The following PSMA1 variants were observed in gnomAD, a reference collection of about 807,000 sequenced individuals.
The protein encoded by PSMA1 is proteasome 20S subunit alpha 1.
PSMA1 carries 3 observed loss-of-function variants against 38.4 expected under a neutral mutation model. The ratio of observed to expected loss-of-function variants is 0.08; its 90% CI spans 0.04 to 0.20. PSMA1 has a LOEUF of 0.20. PSMA1 is among the 10% of genes least tolerant of loss of function. The pLI is 1.00. For synonymous variants in PSMA1, 101 were observed against 107.1 expected (o/e 0.94, Z 0.35); for missense variants, 227 against 325.3 (o/e 0.70, Z 2.32).
At chr11:14,602,854 A>G (rs1049293735) in intron 2 of PSMA1, among the ~76,000 whole-genome samples, 13 of 152,196 alleles carry the variant, frequency 8.5e-5, no homozygotes, top group Admixed American at 7.9e-4. Flanking sequence ...GCCATTTCAG[A>G]TTTCACGTGA....
chr11:14,567,490 T>G (rs1015394008), intron 2 of PSMA1, among the ~76,000 whole-genome samples: 7 of 152,202 alleles, frequency 4.6e-5, no homozygotes, highest in Non-Finnish European at 1.5e-5. Context: ...TACTCTGTAG[T>G]GTGAGGGAGG....
At chr11:14,589,443 G>A (rs1317240180) in intron 2 of PSMA1, among the ~76,000 whole-genome samples, 1 of 150,930 alleles carries the variant, frequency 6.6e-6, no homozygotes, top group Non-Finnish European at 1.5e-5. Flanking sequence ...ATATGTGTGT[G>A]TGTATTATAT....
intron 2 of PSMA1, among the ~76,000 whole-genome samples, chr11:14,518,420 T>A (rs1199766768): frequency 6.6e-6 from 1 of 152,168 alleles, no homozygotes; most frequent in Non-Finnish European, 1.5e-5. Flanking sequence ...TTAAAATAAA[T>A]TTTCTTGTGT....
At chr11:14,591,505 C>G (rs1590002045) in intron 2 of PSMA1, among the ~76,000 whole-genome samples, 1 of 152,228 alleles carries the variant, frequency 6.6e-6, no homozygotes, top group African/African-American at 2.4e-5. Flanking sequence ...GTGGGATTCA[C>G]TGGGTGAAGC....
intron 2 of PSMA1, among the ~76,000 whole-genome samples, chr11:14,545,051 A>G (rs905261602): frequency 3.9e-5 from 6 of 152,200 alleles, no homozygotes; most frequent in Admixed American, 3.3e-4. Flanking sequence ...GTAACAGCTA[A>G]TGGGTTTCTT....
intron 2 of PSMA1, among the ~76,000 whole-genome samples, chr11:14,610,683 T>A (rs1407030202): frequency 6.6e-6 from 1 of 152,236 alleles, no homozygotes. Flanking sequence ...CCATGACTAT[T>A]TTTCAGAAAG....
intron 2 of PSMA1, among the ~76,000 whole-genome samples, chr11:14,601,173 G>A (rs927620366): frequency 2.6e-5 from 4 of 152,116 alleles, no homozygotes; most frequent in African/African-American, 7.2e-5. Context: ...CAACATGCAC[G>A]GGGTCTTGCA....
chr11:14,600,194 C>CAAGT (rs1044823545), intron 2 of PSMA1, among the ~76,000 whole-genome samples: 6 of 152,150 alleles, frequency 3.9e-5, no homozygotes, highest in Non-Finnish European at 8.8e-5. Context: ...TTAGGTTACA[C>CAAGT]GGAGGTTAGG....
chr11:14,628,989 C>T (rs1852959746), intron 1 of PSMA1, among the ~76,000 whole-genome samples: 1 of 151,076 alleles, frequency 6.6e-6, no homozygotes, highest in African/African-American at 2.4e-5. Flanking sequence ...CTGTTCATGT[C>T]CTTCGCCCAC....
intron 4 of PSMA1, among the ~76,000 whole-genome samples, chr11:14,515,829 C>T (rs1372613290): frequency 4.0e-5 from 6 of 151,766 alleles, no homozygotes; most frequent in African/African-American, 2.4e-5. Flanking sequence ...GCTGGGATTA[C>T]AGGCATGAGA....
intron 2 of PSMA1, among the ~76,000 whole-genome samples, chr11:14,556,099 T>A (rs919160839): frequency 6.6e-6 from 1 of 152,182 alleles, no homozygotes; most frequent in Non-Finnish European, 1.5e-5. Flanking sequence ...TTCCTCCACA[T>A]CCCCCTTTTG....
intron 1 of PSMA1, among the ~76,000 whole-genome samples, chr11:14,638,429 G>A (rs1047891775): frequency 7.4e-5 from 11 of 147,878 alleles, no homozygotes; most frequent in African/African-American, 1.7e-4. Context: ...TGATGCTAAT[G>A]AACTAGATGA....
At chr11:14,597,377 A>G (rs966429265) in intron 2 of PSMA1, among the ~76,000 whole-genome samples, 8 of 152,040 alleles carry the variant, frequency 5.3e-5, no homozygotes, top group African/African-American at 1.9e-4. Flanking sequence ...CTGGTCCTGG[A>G]CTTTTTTTGG....
chr11:14,569,930 C>G (rs551663954), intron 2 of PSMA1, among the ~76,000 whole-genome samples: 5 of 152,210 alleles, frequency 3.3e-5, no homozygotes, highest in Non-Finnish European at 7.3e-5. Flanking sequence ...TCCCTGACCC[C>G]CAAGTAGCCT....
rs1267083267 is a variant in PSMA1 at position 14,553,449 on chromosome 11, A to T, written c.22-34408T>A. Among the ~76,000 whole-genome samples, 3 of 152,102 alleles carry T rather than the reference A, an allele frequency of 2.0e-5. No individual in the cohort carries two copies. The East Asian group carries it at 5.8e-4, about 29-fold the overall frequency. ...CTGTTTTATTACTACAAATATCCCA[A>T]ATGCTACCTCTCTATGGTCACACCT... On this transcript the variant is annotated intron_variant, in intron 2 of 10. Transcript: ENST00000418988.
At chr11:14,575,681 C>T (rs1325757438) in intron 2 of PSMA1, among the ~76,000 whole-genome samples, 3 of 152,094 alleles carry the variant, frequency 2.0e-5, no homozygotes, top group Admixed American at 2.0e-4. Flanking sequence ...TGGGTTGGTT[C>T]CAAGTCTTTG....
intron 2 of PSMA1, among the ~76,000 whole-genome samples, chr11:14,535,633 G>A (rs1303443166): frequency 6.6e-6 from 1 of 151,548 alleles, no homozygotes; most frequent in South Asian, 2.1e-4. Context: ...TAGTAGAGAC[G>A]GGGGTTTCTC....
intron 1 of PSMA1, among the ~76,000 whole-genome samples, chr11:14,636,913 G>A (rs1020281521): frequency 1.3e-5 from 2 of 152,058 alleles, no homozygotes; most frequent in Non-Finnish European, 2.9e-5. Flanking sequence ...CTTTCATTTG[G>A]CCAATTATAA....
chr11:14,530,901 C>CAAA (rs10670662), intron 2 of PSMA1, among the ~76,000 whole-genome samples: 1,264 of 107,606 alleles, frequency 0.012, 46 homozygotes, highest in African/African-American at 0.037. Flanking sequence ...GACTCCGTCT[C>CAAA]AAAAAAAAAA....
Sources: allele counts gnomAD v4.1 joint callset (sites outside exome capture counted in the v4.1 genomes callset), GRCh38; gene constraint gnomAD v4.1.1; transcripts MANE v1.5; gene names NCBI Gene and HGNC (gene_info 2026-07-23, HGNC 2026-07-21).